PCDHGA12: variants seen among roughly 807,000 people sequenced by gnomAD.
The protein encoded by PCDHGA12 is protocadherin gamma-A12.
A neutral mutation model predicts 61.1 loss-of-function variants in PCDHGA12; 43 were observed. The observed-to-expected ratio is 0.70, with a 90% CI of 0.55 to 0.91. The LOEUF (loss-of-function observed/expected upper bound fraction) is 0.91, where lower values mean the gene tolerates loss of function less well. Ranked by LOEUF, PCDHGA12 falls within the 40% of genes least tolerant of loss-of-function variation. PCDHGA12 has a pLI of 0.00. For missense variants in PCDHGA12, 1,236 were observed against 1,227.7 expected, an observed-to-expected ratio of 1.01 and a Z score of -0.10; for synonymous variants, 520 against 542.9, an observed-to-expected ratio of 0.96 and a Z score of 0.59.
intron 1 of PCDHGA12, among the ~76,000 whole-genome samples, chr5:141,469,414 A>C (rs1455286338): frequency 1.3e-5 from 2 of 152,118 alleles, no homozygotes; most frequent in Non-Finnish European, 2.9e-5. Flanking sequence ...GTTTCTACTA[A>C]AAATATAAAA....
intron 2 of PCDHGA12, among the ~76,000 whole-genome samples, chr5:141,502,496 C>T (rs934563545): frequency 2.0e-5 from 3 of 152,178 alleles, no homozygotes; most frequent in Admixed American, 6.5e-5. Context: ...ACTCATCTAA[C>T]GTCGGCCTGT....
chr5:141,479,941 T>C (rs983830280), intron 1 of PCDHGA12, among the ~76,000 whole-genome samples: 2 of 152,194 alleles, frequency 1.3e-5, no homozygotes, highest in Admixed American at 6.5e-5. Context: ...TGCTATCAAC[T>C]CTTGGATTTG....
At chr5:141,450,995 T>G (rs983544118) in intron 1 of PCDHGA12, among the ~76,000 whole-genome samples, 3 of 151,510 alleles carry the variant, frequency 2.0e-5, no homozygotes, top group Non-Finnish European at 4.4e-5. Context: ...CGGCTAATTT[T>G]TTTGTATTTT....
intron 1 of PCDHGA12, among the ~76,000 whole-genome samples, chr5:141,453,288 ATTATTTAT>A (rs577328880): frequency 6.6e-6 from 1 of 151,342 alleles, no homozygotes; most frequent in Non-Finnish European, 1.5e-5. Context: ...TAATTTTTTA[ATTATTTAT>A]TTATTTATTT....
At position 141,493,666 on chromosome 5, in the gene PCDHGA12, C is replaced by T. The variant is rs1475584876; in HGVS notation, c.2425-1141C>T. On this transcript the variant is annotated intron_variant, in intron 1 of 3. Transcript: ENST00000252085. The surrounding 1 kb of genome is among the most constrained non-coding windows in gnomAD (Gnocchi z 4.3). ...GCCATCCCTGTGCCCTTCTCCATGG[C>T]AGCCCCAGAATGGTGCTGGTGACTC... 6.6e-6 allele frequency among the ~76,000 whole-genome samples: 1 copy of T among 152,176 alleles called. No individual in the cohort carries two copies. The highest frequency in any genetic ancestry group is 1.5e-5 in the Non-Finnish European group (1 of 68,028).
chr5:141,485,383 G>C lies in PCDHGA12; in HGVS notation c.2425-9424G>C. 6.2e-7 allele frequency: 1 copy of C among 1,614,128 alleles called. No individual in the cohort carries two copies. Among genetic ancestry groups the C allele is most frequent in the Non-Finnish European group, 8.5e-7 (1 of 1,180,020 alleles). On this transcript the variant is annotated intron_variant, in intron 1 of 3. Coordinates refer to ENST00000252085, the MANE Select transcript of PCDHGA12 (RefSeq NM_003735.3). The surrounding 1 kb of genome is among the most constrained non-coding windows in gnomAD (Gnocchi z 5.7). Reference sequence around the variant, plus strand: ...GCAGGCTGCAGGTCGCTGGAGAGGTGAACCAAAGACACTTCCGTGTGGATT... The same window carrying C: ...GCAGGCTGCAGGTCGCTGGAGAGGTCAACCAAAGACACTTCCGTGTGGATT...
intron 1 of PCDHGA12, among the ~76,000 whole-genome samples, chr5:141,438,579 CATACATACATACATATATATAT>C (rs1356926315): frequency 3.6e-5 from 2 of 55,782 alleles, no homozygotes; most frequent in Non-Finnish European, 6.0e-5. Context: ...GATATACATA[CATACATACATACATATATATAT>C]ATATATATAT....
intron 1 of PCDHGA12, among the ~76,000 whole-genome samples, chr5:141,455,410 G>A (rs1332059386): frequency 6.6e-6 from 1 of 152,130 alleles, no homozygotes; most frequent in Non-Finnish European, 1.5e-5. Context: ...CAGAGACAGA[G>A]GGAGCGGGGC....
rs889285153 is a variant in PCDHGA12, at chr5:141,494,978, T to C, written c.2483+113T>C. ...TGCTACAGATGGCTTCTCCCTCAGT[T>C]TGAGATCCCAGGGAGGTCTTGGTGT... On this transcript the variant is annotated intron_variant, in intron 2 of 3. Transcript: ENST00000252085. 7.6e-6 allele frequency: 12 copies of C among 1,572,974 alleles called. No homozygotes were observed. In the Admixed American group the frequency reaches 1.3e-4, roughly 17 times the overall value.
At chr5:141,497,212 G>T (rs968445663) in intron 2 of PCDHGA12, among the ~76,000 whole-genome samples, 3 of 150,900 alleles carry the variant, frequency 2.0e-5, no homozygotes, top group Non-Finnish European at 3.0e-5. Context: ...AGTGTAATGG[G>T]GGGGGGAAGA....
intron 2 of PCDHGA12, among the ~76,000 whole-genome samples, chr5:141,497,832 G>A (rs1326640712): frequency 1.3e-5 from 2 of 151,992 alleles, no homozygotes; most frequent in Non-Finnish European, 2.9e-5. Context: ...GATCGCCCCC[G>A]GCCACAACAA....
chr5:141,452,678 C>T (rs1311364057), intron 1 of PCDHGA12, among the ~76,000 whole-genome samples: 1 of 150,100 alleles, frequency 6.7e-6, no homozygotes, highest in African/African-American at 2.5e-5. Flanking sequence ...GCCTAGGCCA[C>T]AGAATGAAAC....
chr5:141,488,793 C>G (rs1274193018), intron 1 of PCDHGA12, among the ~76,000 whole-genome samples: 1 of 152,172 alleles, frequency 6.6e-6, no homozygotes, highest in African/African-American at 2.4e-5. Context: ...TTTGTCTTCC[C>G]TGTTGAGTAC....
Position 141,432,691 on chromosome 5 carries a change from G to T in PCDHGA12, c.1932G>T (p.Val644=). 1 of 1,613,942 alleles carries T rather than the reference G, an allele frequency of 6.2e-7. No individual in the cohort carries two copies. The highest frequency in any genetic ancestry group is 1.1e-5 in the South Asian group (1 of 91,068). Residue 644 remains valine (V), a synonymous_variant, in exon 1 of 4, where the codon GTG becomes GTT. Coordinates refer to ENST00000252085, the MANE Select transcript of PCDHGA12 (RefSeq NM_003735.3). This position sits in a 1 kb window ranked among gnomAD's most constrained non-coding sequence, Gnocchi z 6.0. ...ACGCGCTCAAGCAGAGCCTCGTAGT[G>T]GCCGTCCAGGACCACGGCCAGCCCC... is the stretch of plus-strand genomic sequence containing the variant. ...DRDALKQSLV[V]AVQDHGQPPL... is the part of the protein sequence containing the mutation.
chr5:141,478,623 GT>G (rs1337268572), intron 1 of PCDHGA12: 14 of 1,554,358 alleles, frequency 9.0e-6, no homozygotes, highest in African/African-American at 1.4e-5. Context: ...GAATGGAGCT[GT>G]TTTTTTAGTG....
At position 141,490,044 on chromosome 5, in the gene PCDHGA12, T is replaced by C; in HGVS notation, c.2425-4763T>C. The C allele has an allele frequency of 1.2e-6, 2 of 1,614,192 alleles. No individual in the cohort carries two copies. Among genetic ancestry groups the C allele is most frequent in the Non-Finnish European group, 1.7e-6 (2 of 1,180,024 alleles). The stretch of plus-strand genomic sequence containing the variant: ...TGCTGCTCCGCCTCAATGCCACTGA[T>C]CCAGACGAGGGCACCAACGGCCAAC... On this transcript the variant is annotated intron_variant, in intron 1 of 3. Transcript: ENST00000252085. The surrounding 1 kb of genome is among the most constrained non-coding windows in gnomAD (Gnocchi z 5.4).
In PCDHGA12 at chr5:141,450,826, A is replaced by AT. The variant is rs764729742; in HGVS notation, c.2424+17645dup. On this transcript the variant is annotated intron_variant, in intron 1 of 3. Coordinates refer to ENST00000252085, the MANE Select transcript of PCDHGA12 (RefSeq NM_003735.3). ...TATTTATTTATTTAATATTATTATT[A>AT]TTATTTTTTTTTTTTTGAGATGGGG... Among the ~76,000 whole-genome samples, 613 of 134,334 alleles carry AT rather than the reference A, an allele frequency of 4.6e-3. 5 individuals are homozygous for AT. Among genetic ancestry groups the AT allele is most frequent in the African/African-American group, 9.0e-3 (309 of 34,288 alleles). 88.1% of individuals were successfully genotyped at this position (134,334 alleles called of 152,430 possible).
chr5:141,459,617 A>G (rs900986636), intron 1 of PCDHGA12, among the ~76,000 whole-genome samples: 2 of 152,258 alleles, frequency 1.3e-5, no homozygotes, highest in African/African-American at 2.4e-5. Flanking sequence ...GCTTAACTTT[A>G]TAAGAAGCTG....
At chr5:141,502,525 G>A (rs1258704254) in intron 2 of PCDHGA12, among the ~76,000 whole-genome samples, 1 of 152,074 alleles carries the variant, frequency 6.6e-6, no homozygotes, top group Non-Finnish European at 1.5e-5. Flanking sequence ...CAGTGATGCC[G>A]AGTTTGTTCG....
Sources: allele counts gnomAD v4.1 joint callset (sites outside exome capture counted in the v4.1 genomes callset), GRCh38; gene constraint gnomAD v4.1.1; non-coding constraint Gnocchi (gnomAD v3.1); transcripts MANE v1.5; gene names NCBI Gene and HGNC (gene_info 2026-07-23, HGNC 2026-07-21).